Variants in METTL15 observed in about 807,000 individuals in gnomAD.
The protein encoded by METTL15 is 12S rRNA N(4)-cytidine methyltransferase METTL15.
Under a neutral mutation model 38.3 loss-of-function variants are expected in METTL15, and 34 were observed. That is an observed-to-expected ratio of 0.89 (90% CI 0.68 to 1.18). The LOEUF is 1.18. Ranked by LOEUF, METTL15 falls within the 50% of genes most tolerant of loss-of-function variation. The pLI, the probability that METTL15 is intolerant of heterozygous loss-of-function variation, is 0.00. For missense variants in METTL15, 438 were observed against 498.4 expected (o/e 0.88, Z 1.15); for synonymous variants, 162 against 170.9 (o/e 0.95, Z 0.41).
intron 4 of METTL15, among the ~76,000 whole-genome samples, chr11:28,361,658 G>A (rs553037350): frequency 2.2e-4 from 34 of 152,060 alleles, no homozygotes; most frequent in Admixed American, 1.9e-3. Flanking sequence ...TCTTTTCTGG[G>A]TAGGGGGAGG....
intron 5 of METTL15, among the ~76,000 whole-genome samples, chr11:28,363,350 T>C (rs951863156): frequency 6.6e-6 from 1 of 152,010 alleles, no homozygotes; most frequent in African/African-American, 2.4e-5. Context: ...ATTTTTTGTA[T>C]CTTTAGTAGA....
chr11:28,407,904 A>C (rs1181821318), intron 5 of METTL15, among the ~76,000 whole-genome samples: 1 of 152,170 alleles, frequency 6.6e-6, no homozygotes, highest in Admixed American at 6.6e-5. Context: ...ATGAAATCAC[A>C]CAAATGCCCA....
chr11:28,395,195 AT>A (rs1490063512), intron 5 of METTL15, among the ~76,000 whole-genome samples: 2 of 151,912 alleles, frequency 1.3e-5, no homozygotes, highest in Non-Finnish European at 2.9e-5. Flanking sequence ...GGGACTCAGG[AT>A]TTTTTGTCTT....
At chr11:28,179,022 C>G (rs1851182972) in intron 3 of METTL15, among the ~76,000 whole-genome samples, 1 of 151,678 alleles carries the variant, frequency 6.6e-6, no homozygotes, top group South Asian at 2.1e-4. Context: ...TATTTGTAAT[C>G]TGTTATTTTT....
intron 4 of METTL15, among the ~76,000 whole-genome samples, chr11:28,233,575 T>C (rs953329016): frequency 1.3e-5 from 2 of 152,044 alleles, no homozygotes; most frequent in Non-Finnish European, 2.9e-5. Context: ...AGTCACCTCA[T>C]CTTCCTTATG....
At chr11:28,207,844 G>A (rs879126585) in intron 3 of METTL15, among the ~76,000 whole-genome samples, 1 of 152,160 alleles carries the variant, frequency 6.6e-6, no homozygotes, top group Non-Finnish European at 1.5e-5. Flanking sequence ...TTGGGAGGGT[G>A]TATGTGTCAA....
chr11:28,274,257 T>C (rs192495298), intron 4 of METTL15, among the ~76,000 whole-genome samples: 29 of 152,200 alleles, frequency 1.9e-4, no homozygotes, highest in Admixed American at 1.1e-3. Context: ...TTTTAAGTTT[T>C]AATGAACTTT....
intron 4 of METTL15, among the ~76,000 whole-genome samples, chr11:28,277,526 C>T (rs150401108): frequency 2.0e-5 from 3 of 152,014 alleles, no homozygotes; most frequent in South Asian, 2.1e-4. Flanking sequence ...TGTGAAACCC[C>T]GTCTCTACTA....
rs368966033 is a variant in METTL15, at chr11:28,160,294, C to T, written c.270+46690C>T. Among the ~76,000 whole-genome samples, 9 of 151,648 alleles carry T rather than the reference C, an allele frequency of 5.9e-5. No individual in the cohort carries two copies. The South Asian group carries it at 1.0e-3, about 18-fold the overall frequency. On this transcript the variant is annotated intron_variant, in intron 3 of 6. Coordinates refer to ENST00000407364, the MANE Select transcript of METTL15 (RefSeq NM_001113528.2). ...TATATATTCCATTATATATATATTC[C>T]GTTAGTTCTGTTCCTTTAGAGAACC...
intron 6 of METTL15, among the ~76,000 whole-genome samples, chr11:28,480,956 G>T (rs1011915697): frequency 3.9e-5 from 6 of 152,140 alleles, no homozygotes; most frequent in Admixed American, 3.3e-4. Flanking sequence ...CATAGCATAT[G>T]GGGAGAGCAA....
chr11:28,138,747 C>T (rs980058812), intron 3 of METTL15, among the ~76,000 whole-genome samples: 3 of 152,178 alleles, frequency 2.0e-5, no homozygotes, highest in Non-Finnish European at 4.4e-5. Context: ...GGTACTGCCA[C>T]GTGGTTACAA....
At chr11:28,212,790 A>T (rs1341866289) in intron 4 of METTL15, among the ~76,000 whole-genome samples, 1 of 152,182 alleles carries the variant, frequency 6.6e-6, no homozygotes, top group Non-Finnish European at 1.5e-5. Flanking sequence ...TCCACAGATA[A>T]GGAGGGCCAG....
At chr11:28,469,488 A>G (rs142401465) in intron 6 of METTL15, among the ~76,000 whole-genome samples, 1,824 of 152,264 alleles carry the variant, frequency 0.012, 8 homozygotes, top group Middle Eastern at 0.031. Flanking sequence ...TGTAGTCACC[A>G]TGCACTTGAT....
intron 4 of METTL15, among the ~76,000 whole-genome samples, chr11:28,230,198 T>A (rs551659988): frequency 2.6e-5 from 4 of 151,934 alleles, no homozygotes; most frequent in Non-Finnish European, 4.4e-5. Flanking sequence ...TTATTTTAAA[T>A]AAACTCTTTT....
At chr11:28,311,359 T>C (rs529415862) in intron 6 of METTL15, among the ~76,000 whole-genome samples, 2 of 152,294 alleles carry the variant, frequency 1.3e-5, no homozygotes, top group South Asian at 2.1e-4. Flanking sequence ...CAAGATTCAG[T>C]TCATATATTA....
intron 5 of METTL15, among the ~76,000 whole-genome samples, chr11:28,423,960 T>C (rs938382656): frequency 1.3e-5 from 2 of 152,086 alleles, no homozygotes; most frequent in Admixed American, 6.6e-5. Context: ...ATATCCCATA[T>C]ACCCCATAAA....
At chr11:28,416,203 T>C (rs1850770942) in intron 5 of METTL15, among the ~76,000 whole-genome samples, 1 of 152,234 alleles carries the variant, frequency 6.6e-6, no homozygotes, top group African/African-American at 2.4e-5. Flanking sequence ...CATTCTGTGC[T>C]GCAAGCACCT....
intron 3 of METTL15, chr11:28,145,367 A>T (rs1807234088): frequency 6.6e-6 from 1 of 151,934 alleles, no homozygotes; most frequent in Admixed American, 6.6e-5. Flanking sequence ...GAATTTTTTA[A>T]ATTTAATTTT....
intron 3 of METTL15, among the ~76,000 whole-genome samples, chr11:28,162,938 T>G (rs1419768440): frequency 6.6e-6 from 1 of 152,106 alleles, no homozygotes; most frequent in Non-Finnish European, 1.5e-5. Flanking sequence ...GGACTATCTG[T>G]ATTCTATCAG....
Sources: allele counts gnomAD v4.1 joint callset (sites outside exome capture counted in the v4.1 genomes callset), GRCh38; gene constraint gnomAD v4.1.1; transcripts MANE v1.5; gene names NCBI Gene and HGNC (gene_info 2026-07-23, HGNC 2026-07-21).